The following CCDC171 variants were observed in gnomAD, a reference collection of about 807,000 sequenced individuals.
CCDC171 encodes coiled-coil domain-containing protein 171.
CCDC171 carries 177 observed loss-of-function variants against 168.2 expected under a neutral mutation model. The observed-to-expected ratio is 1.05, with a 90% CI of 0.93 to 1.19. CCDC171 has a LOEUF of 1.19. Among genes scored for constraint, CCDC171 ranks in the 50% most tolerant of loss-of-function variants. The pLI, the probability that CCDC171 is intolerant of heterozygous loss-of-function variation, is 0.00. For synonymous variants in CCDC171, 687 were observed against 540.8 expected (o/e 1.27, Z -3.75); for missense variants, 1,991 against 1,539.0 (o/e 1.29, Z -4.91).
At chr9:15,592,925 AG>A (rs1398172303) in intron 5 of CCDC171, among the ~76,000 whole-genome samples, 3 of 151,930 alleles carry the variant, frequency 2.0e-5, no homozygotes, top group Non-Finnish European at 4.4e-5. Flanking sequence ...CACAATGTGC[AG>A]GTTAGTTACA....
At chr9:15,777,425 C>G (rs2057385799) in intron 18 of CCDC171, among the ~76,000 whole-genome samples, 175 bp from the exon 19 acceptor site, 1 of 152,028 alleles carries the variant, frequency 6.6e-6, no homozygotes, top group Non-Finnish European at 1.5e-5. Context: ...GAGCTATTCT[C>G]TGAATTCCTT....
At chr9:15,627,639 T>G (rs2045274987) in intron 7 of CCDC171, among the ~76,000 whole-genome samples, 2 of 152,238 alleles carry the variant, frequency 1.3e-5, no homozygotes, top group African/African-American at 4.8e-5. Flanking sequence ...TGAATGAGTT[T>G]CTTAATCCTG....
chr9:15,733,578 TCA>T (rs1398309030), intron 16 of CCDC171, among the ~76,000 whole-genome samples: 1 of 152,016 alleles, frequency 6.6e-6, no homozygotes, highest in Non-Finnish European at 1.5e-5. Flanking sequence ...AAAAATCAGT[TCA>T]CTGTTTGTGT....
intron 11 of CCDC171, among the ~76,000 whole-genome samples, chr9:15,708,923 C>CT (rs1275483847): frequency 2.0e-5 from 3 of 152,030 alleles, no homozygotes; most frequent in African/African-American, 7.3e-5. Flanking sequence ...TACATACAGT[C>CT]TTTTTTCAAA....
chr9:15,603,783 G>T (rs2043034126), intron 6 of CCDC171, among the ~76,000 whole-genome samples: 1 of 152,056 alleles, frequency 6.6e-6, no homozygotes, highest in Admixed American at 6.5e-5. Flanking sequence ...TGGGATTGCT[G>T]GGTCAAATGG....
At chr9:15,747,535 C>T (rs1048348190) in intron 18 of CCDC171, among the ~76,000 whole-genome samples, 4 of 152,164 alleles carry the variant, frequency 2.6e-5, no homozygotes, top group African/African-American at 9.7e-5. Flanking sequence ...CCCTCTGGGA[C>T]GAAGCTTCCA....
At chr9:16,068,416 C>G in the CCDC171 span, among the ~76,000 whole-genome samples, 1 of 152,180 alleles carries the variant, frequency 6.6e-6, no homozygotes, top group South Asian at 2.1e-4. Context: ...CCATCCCCAT[C>G]AAGCTACCAA....
At chr9:16,091,717 G>C in the CCDC171 span, among the ~76,000 whole-genome samples, 1 of 152,182 alleles carries the variant, frequency 6.6e-6, no homozygotes, top group Non-Finnish European at 1.5e-5. Flanking sequence ...GATTCTTCCT[G>C]AGTGCCTGGA....
downstream of CCDC171, among the ~76,000 whole-genome samples, chr9:15,974,913 A>G (rs1446433369): frequency 2.0e-5 from 3 of 152,088 alleles, no homozygotes; most frequent in Non-Finnish European, 2.9e-5. Context: ...GAACAATAGG[A>G]AGTTGATCCT....
At chr9:15,701,645 T>C (rs1361361230) in intron 11 of CCDC171, among the ~76,000 whole-genome samples, 1 of 149,694 alleles carries the variant, frequency 6.7e-6, no homozygotes, top group Non-Finnish European at 1.5e-5. Flanking sequence ...AGTGGCACGA[T>C]CTTGGCTCAC....
chr9:15,821,683 A>G (rs1219038643), intron 21 of CCDC171, among the ~76,000 whole-genome samples: 2 of 117,218 alleles, frequency 1.7e-5, no homozygotes, highest in Non-Finnish European at 3.8e-5. Flanking sequence ...GAAATAAAAG[A>G]GGATTCAAAC....
chr9:15,584,082 G>A (rs979388615), intron 4 of CCDC171, among the ~76,000 whole-genome samples: 4 of 152,000 alleles, frequency 2.6e-5, no homozygotes, highest in Non-Finnish European at 5.9e-5. Context: ...TTGGCCAGGC[G>A]GATCTTGAAC....
intron 6 of CCDC171, chr9:16,035,350 C>G (rs1380506097): frequency 6.6e-6 from 1 of 152,084 alleles, no homozygotes; most frequent in Non-Finnish European, 1.5e-5. Flanking sequence ...GGTTCTTTCC[C>G]CCTAAATCTC....
At chr9:16,062,915 T>G (rs951712630), downstream of CCDC171, among the ~76,000 whole-genome samples, 13 of 152,200 alleles carry the variant, frequency 8.5e-5, no homozygotes, top group African/African-American at 1.2e-4. Context: ...TAGAGACATG[T>G]GCTCGGTGTA....
chr9:15,881,170 A>G (rs1818588154), intron 24 of CCDC171, among the ~76,000 whole-genome samples: 2 of 152,188 alleles, frequency 1.3e-5, no homozygotes, highest in South Asian at 4.1e-4. Flanking sequence ...TTGAAATTTT[A>G]GAATTCTACT....
At chr9:15,839,942 A>T (rs1195625458) in intron 21 of CCDC171, among the ~76,000 whole-genome samples, 1 of 150,804 alleles carries the variant, frequency 6.6e-6, no homozygotes, top group East Asian at 2.0e-4. Context: ...AAATAACCTA[A>T]ATTTATTTTC....
rs2054037402 is a variant in CCDC171 at position 15,729,737 on chromosome 9, A to G, written c.1988A>G (p.Gln663Arg). ...IKAQESCWHR[Q>R]KKELELQYSE... The stretch of plus-strand genomic sequence containing the variant: ...GCCCAAGAGAGCTGCTGGCACAGAC[A>G]AAAGAAGGAACTAGAGCTGCAGTAT... Residue 663 changes from glutamine to arginine, a missense_variant, in exon 16 of 26, where the codon CAA becomes CGA. Gln to Arg is a conservative substitution (Grantham distance 43, BLOSUM62 1). Transcript: ENST00000380701. The G allele has an allele frequency of 1.2e-6, 2 of 1,613,366 alleles. No individual in the cohort carries two copies. The highest frequency in any genetic ancestry group is 1.7e-6 in the Non-Finnish European group (2 of 1,179,534).
At chr9:15,682,898 T>C (rs1187599287) in intron 10 of CCDC171, among the ~76,000 whole-genome samples, 1 of 152,046 alleles carries the variant, frequency 6.6e-6, no homozygotes, top group Non-Finnish European at 1.5e-5. Flanking sequence ...TAGTTTAAGA[T>C]GCTGACTGAT....
chr9:15,862,274 G>A (rs79241921), intron 23 of CCDC171, among the ~76,000 whole-genome samples: 6,774 of 150,670 alleles, frequency 0.045, 348 homozygotes, highest in African/African-American at 0.12. Context: ...TTCTTCCTCC[G>A]ACTGGGTGAT....
Sources: allele counts gnomAD v4.1 joint callset (sites outside exome capture counted in the v4.1 genomes callset), GRCh38; gene constraint gnomAD v4.1.1; transcripts MANE v1.5; gene names NCBI Gene and HGNC (gene_info 2026-07-23, HGNC 2026-07-21).